RAI1: variants seen among roughly 807,000 people sequenced by gnomAD.
RAI1 encodes retinoic acid induced 1.
RAI1 carries 9 observed loss-of-function variants against 123.8 expected under a neutral mutation model. That is an observed-to-expected ratio of 0.07 (90% CI 0.04 to 0.13). The LOEUF (loss-of-function observed/expected upper bound fraction) is 0.13, where lower values mean the gene tolerates loss of function less well. Among genes scored for constraint, RAI1 ranks in the 10% least tolerant of loss-of-function variants. RAI1 has a pLI of 1.00. For synonymous variants in RAI1, 1,231 were observed against 1,127.3 expected (o/e 1.09, Z -1.84); for missense variants, 2,256 against 2,545.8 (o/e 0.89, Z 2.45).
At chr17:17,789,237 T>C (rs2031931020) in intron 2 of RAI1, among the ~76,000 whole-genome samples, 1 of 152,242 alleles carries the variant, frequency 6.6e-6, no homozygotes, top group Non-Finnish European at 1.5e-5. Context: ...GGAGCTTCCC[T>C]GCGGGTGGGC....
chr17:17,711,964 T>A (rs896414095), intron 1 of RAI1, among the ~76,000 whole-genome samples: 5 of 152,232 alleles, frequency 3.3e-5, no homozygotes, highest in African/African-American at 9.6e-5. Flanking sequence ...TGACCAGATA[T>A]GTGTTTTCAA....
chr17:17,725,099 C>A (rs575686418), intron 2 of RAI1, among the ~76,000 whole-genome samples: 1 of 146,952 alleles, frequency 6.8e-6, no homozygotes, highest in African/African-American at 2.5e-5. Context: ...TGGTTAGAGA[C>A]GTCGACCTGG....
At chr17:17,716,111 T>C (rs973103176) in intron 1 of RAI1, among the ~76,000 whole-genome samples, 1 of 152,202 alleles carries the variant, frequency 6.6e-6, no homozygotes, top group East Asian at 1.9e-4. Context: ...GTCAGGGGAC[T>C]TGAGAGGTCT....
chr17:17,743,844 G>A (rs1168049415), intron 2 of RAI1, among the ~76,000 whole-genome samples: 1 of 152,250 alleles, frequency 6.6e-6, no homozygotes, highest in Non-Finnish European at 1.5e-5. Context: ...AGGCATAGGA[G>A]GGCCAAGGAC....
At chr17:17,807,525 A>G (rs2032618537) in intron 4 of RAI1, among the ~76,000 whole-genome samples, 1 of 152,198 alleles carries the variant, frequency 6.6e-6, no homozygotes, top group Admixed American at 6.5e-5. Flanking sequence ...TCCTGTCTCA[A>G]CCTTTCCCCA....
chr17:17,693,891 G>A (rs1914921254), intron 1 of RAI1, among the ~76,000 whole-genome samples: 1 of 152,186 alleles, frequency 6.6e-6, no homozygotes, highest in Non-Finnish European at 1.5e-5. Context: ...CACTACGTGT[G>A]GACAGGCATC....
chr17:17,709,314 C>T (rs946248629), intron 1 of RAI1, among the ~76,000 whole-genome samples: 3 of 152,154 alleles, frequency 2.0e-5, no homozygotes, highest in Admixed American at 6.5e-5. Context: ...TGCTGTTTGC[C>T]GTATCAAGGG....
intron 4 of RAI1, among the ~76,000 whole-genome samples, chr17:17,805,754 C>T (rs1037724875): frequency 3.3e-5 from 5 of 152,200 alleles, no homozygotes; most frequent in African/African-American, 9.7e-5. Flanking sequence ...ACTGGCTTCA[C>T]GCTCCCACTC....
chr17:17,798,380 C>G lies in RAI1; in HGVS notation c.5432C>G (p.Ala1811Gly), dbSNP rs1484029703. 3 of 1,609,588 alleles carry G rather than the reference C, an allele frequency of 1.9e-6. No individual in the cohort carries two copies. The highest frequency in any genetic ancestry group is 2.5e-6 in the Non-Finnish European group (3 of 1,178,452). The change falls in exon 3 of 6, where the codon GCT (alanine) becomes GGT (glycine). Residue 1811 changes from alanine (A) to glycine (G), a missense_variant. Coordinates refer to ENST00000353383, the MANE Select transcript of RAI1 (RefSeq NM_030665.4). ...CGCAAACATGAGTGCAGCAAGGAGG[C>G]TCCGGCAGAGCCCGGCGGGGAGGCC... is the stretch of plus-strand genomic sequence containing the variant. ...KGRKHECSKE[A>G]PAEPGGEAQE...
intron 1 of RAI1, among the ~76,000 whole-genome samples, chr17:17,717,378 A>T (rs1302367622): frequency 6.6e-6 from 1 of 151,676 alleles, no homozygotes; most frequent in Non-Finnish European, 1.5e-5. Flanking sequence ...AGCCAGCCCA[A>T]CGTGTCCAGA....
chr17:17,687,940 G>A (rs1287614234), intron 1 of RAI1, among the ~76,000 whole-genome samples: 1 of 143,960 alleles, frequency 6.9e-6, no homozygotes, highest in African/African-American at 2.6e-5. Context: ...TGAGGCACGA[G>A]AATCACTTGA....
intron 1 of RAI1, among the ~76,000 whole-genome samples, chr17:17,711,934 C>T (rs925094956): frequency 3.3e-5 from 5 of 152,240 alleles, no homozygotes; most frequent in African/African-American, 1.2e-4. Flanking sequence ...TGATGGCTGT[C>T]ACGCGGTGTC....
chr17:17,796,069 G>A lies in RAI1; in HGVS notation c.3121G>A (p.Ala1041Thr), dbSNP rs943141889. Residue 1041 changes from alanine (A) to threonine (T), a missense_variant, in exon 3 of 6, where the codon GCT (alanine) becomes ACT (threonine). Physicochemically the swap from Ala to Thr is moderately conservative, Grantham distance 58. Coordinates refer to ENST00000353383, the MANE Select transcript of RAI1 (RefSeq NM_030665.4). This position sits in a 1 kb window ranked among gnomAD's most constrained non-coding sequence, Gnocchi z 5.8. ...TGPPQGQMEG[A>T]GAPGRGASEG... ...GCCCCCCCAGGGACAGATGGAAGGG[G>A]CTGGAGCCCCAGGCCGGGGGGCCTC... 1 of 1,581,028 alleles carries A rather than the reference G, an allele frequency of 6.3e-7. No homozygotes were observed. Among genetic ancestry groups the A allele is most frequent in the Non-Finnish European group, 8.6e-7 (1 of 1,163,684 alleles).
chr17:17,724,661 C>G (rs1023677647), intron 2 of RAI1, among the ~76,000 whole-genome samples: 1 of 152,130 alleles, frequency 6.6e-6, no homozygotes, highest in African/African-American at 2.4e-5. Flanking sequence ...TCCGCGCGTC[C>G]GATCCTGCTC....
chr17:17,703,552 A>G (rs1226546032), intron 1 of RAI1, among the ~76,000 whole-genome samples: 1 of 151,818 alleles, frequency 6.6e-6, no homozygotes, highest in African/African-American at 2.4e-5. Context: ...GCTCAGGGGG[A>G]GGGGGCCATT....
In RAI1 at chr17:17,789,840, G is replaced by T. The variant is rs533157026; in HGVS notation, c.-16-3093G>T. ...GAAACGGATGGATGGGAATGAGTGG[G>T]GACCGTCCGGGCAGTGTGGTTGAGC... On this transcript the variant is annotated intron_variant, in intron 2 of 5. Coordinates refer to ENST00000353383, the MANE Select transcript of RAI1 (RefSeq NM_030665.4). Among the ~76,000 whole-genome samples the T allele has an allele frequency of 1.2e-3, 183 of 152,290 alleles. 1 individual carries two copies. Among genetic ancestry groups the T allele is most frequent in the South Asian group, 7.9e-3 (38 of 4,828 alleles).
chr17:17,684,540 T>C (rs536389369), intron 1 of RAI1: 1 of 152,032 alleles, frequency 6.6e-6, no homozygotes, highest in South Asian at 2.1e-4. Flanking sequence ...ACTTGGATAC[T>C]TGGGTGAAAA....
At chr17:17,706,262 A>G (rs1915391811) in intron 1 of RAI1, among the ~76,000 whole-genome samples, 1 of 152,014 alleles carries the variant, frequency 6.6e-6, no homozygotes, top group Admixed American at 6.6e-5. Context: ...AGAAAGGCCT[A>G]CAGGTAACAG....
chr17:17,727,696 C>T (rs1916139466), intron 2 of RAI1, among the ~76,000 whole-genome samples: 1 of 152,218 alleles, frequency 6.6e-6, no homozygotes, highest in Non-Finnish European at 1.5e-5. Flanking sequence ...TGCGTCCTTG[C>T]CCCATGCCTC....
Sources: allele counts gnomAD v4.1 joint callset (sites outside exome capture counted in the v4.1 genomes callset), GRCh38; gene constraint gnomAD v4.1.1; non-coding constraint Gnocchi (gnomAD v3.1); transcripts MANE v1.5; gene names NCBI Gene and HGNC (gene_info 2026-07-23, HGNC 2026-07-21).